Variants in C1orf74 observed in about 807,000 individuals in gnomAD.
C1orf74 encodes UPF0739 protein C1orf74.
A neutral mutation model predicts 7.3 loss-of-function variants in C1orf74; 5 were observed. The observed-to-expected ratio is 0.68, with a 90% CI of 0.36 to 1.44. The LOEUF (loss-of-function observed/expected upper bound fraction) is 1.44, where lower values mean the gene tolerates loss of function less well. Among genes scored for constraint, C1orf74 ranks in the 40% most tolerant of loss-of-function variants. The pLI is 0.04. For missense variants in C1orf74, 291 were observed against 314.3 expected, an observed-to-expected ratio of 0.93 and a Z score of 0.56; for synonymous variants, 121 against 132.5, an observed-to-expected ratio of 0.91 and a Z score of 0.59.
chr1:209,781,502 G>A lies in C1orf74; in HGVS notation c.*1323C>T, dbSNP rs139323121. On this transcript the variant is annotated 3_prime_UTR_variant, in exon 2 of 2. Coordinates refer to ENST00000294811, the MANE Select transcript of C1orf74 (RefSeq NM_152485.4). ...CCCATAAAGCCCTGGATGATGGGAC[G>A]ATTCCTTCTTTAACCAAGTTTTGCA... The A allele has an allele frequency of 1.9e-5, 28 of 1,448,444 alleles. No homozygotes were observed. In the East Asian group the frequency reaches 2.3e-4, roughly 12 times the overall value. The allele number at this position is 1,448,444 out of a possible 1,614,324, so 89.7% of individuals were successfully genotyped here.
chr1:209,780,180 G>T lies in C1orf74; in HGVS notation c.*2645C>A, dbSNP rs1002315298. 4.8e-6 allele frequency: 1 copy of T among 209,530 alleles called. No homozygotes were observed. The highest frequency in any genetic ancestry group is 9.4e-6 in the Non-Finnish European group (1 of 106,680). The allele number at this position is 209,530 out of a possible 1,614,324, so 13.0% of individuals were successfully genotyped here. A position where few individuals can be genotyped will look rare whatever the true frequency, so the allele number is the denominator to read the frequency against. On this transcript the variant is annotated 3_prime_UTR_variant, in exon 2 of 2. Transcript: ENST00000294811. The stretch of plus-strand genomic sequence containing the variant: ...AGGAAGAATGTGACATACAACCAAT[G>T]AAATTCAATTAAGAAGTATTCACTA...
chr1:209,783,979 T>G (rs372272185), intron 1 of C1orf74, among the ~76,000 whole-genome samples: 8 of 152,270 alleles, frequency 5.3e-5, no homozygotes, highest in Admixed American at 1.3e-4. Context: ...GTTCAAACCG[T>G]AGGGAATTTG....
In C1orf74 at chr1:209,783,401, G is replaced by C; in HGVS notation, c.234C>G (p.Phe78Leu). 2 of 1,614,162 alleles carry C rather than the reference G, an allele frequency of 1.2e-6. No homozygotes were observed. Among genetic ancestry groups the C allele is most frequent in the Non-Finnish European group, 8.5e-7 (1 of 1,180,022 alleles). ...SYLEELKGLG[F>L]LTFGLHILEI... ...CAAGGATGTGAAGTCCAAAAGTCAG[G>C]AAGCCAAGCCCCTTCAGCTCCTCCA... Residue 78 changes from phenylalanine (F) to leucine (L), a missense_variant, in exon 2 of 2, where the codon TTC becomes TTG. Transcript: ENST00000294811.
At position 209,783,538 on chromosome 1, in the gene C1orf74, G is replaced by A; in HGVS notation, c.97C>T (p.Gln33Ter). The part of the protein sequence containing the change: ...LGMGKRRSPP[Q>*]AICLHLAGEV... The stretch of plus-strand genomic sequence containing the variant: ...CCAGCTAAGTGAAGGCAGATGGCTT[G>A]GGGTGGACTCCGTCTCTTTCCCATG... Residue 33 changes from glutamine (Q) to a stop codon, truncating the protein, a stop_gained, in exon 2 of 2, where the codon CAA becomes TAA. Coordinates refer to ENST00000294811, the MANE Select transcript of C1orf74 (RefSeq NM_152485.4). LOFTEE classifies it low-confidence loss of function (END_TRUNC). 6.2e-7 allele frequency: 1 copy of A among 1,614,124 alleles called. No individual in the cohort carries two copies. Among genetic ancestry groups the A allele is most frequent in the Non-Finnish European group, 8.5e-7 (1 of 1,180,006 alleles).
At position 209,780,775 on chromosome 1, in the gene C1orf74, C is replaced by T. The variant is rs1434244658; in HGVS notation, c.*2050G>A. 4 of 515,786 alleles carry T rather than the reference C, an allele frequency of 7.8e-6. No individual in the cohort carries two copies. Among genetic ancestry groups the T allele is most frequent in the Non-Finnish European group, 1.2e-5 (4 of 333,744 alleles). 32.0% of individuals were successfully genotyped at this position (515,786 alleles called of 1,614,324 possible). The stretch of plus-strand genomic sequence containing the variant: ...TTTTGGGCTGACTTGTCAATCTTTT[C>T]CCTTCCTTATTTATACCAACTCCTA... On this transcript the variant is annotated 3_prime_UTR_variant, in exon 2 of 2. Transcript: ENST00000294811.
rs1558033949 is a variant in C1orf74 at position 209,781,324 on chromosome 1, CTT to C, written c.*1499_*1500del. On this transcript the variant is annotated 3_prime_UTR_variant, in exon 2 of 2. Coordinates refer to ENST00000294811, the MANE Select transcript of C1orf74 (RefSeq NM_152485.4). Reference sequence around the variant, plus strand: ...TCCTAGACAGAAGTGACAGTGATGACTTTGGTGATGTTCTCCCCAGTGCAGAG... The same window carrying C: ...TCCTAGACAGAAGTGACAGTGATGACTGGTGATGTTCTCCCCAGTGCAGAG... 2 of 1,551,038 alleles carry C rather than the reference CTT, an allele frequency of 1.3e-6. No individual in the cohort carries two copies. The highest frequency in any genetic ancestry group is 2.7e-5 in the African/African-American group (2 of 73,590).
At position 209,780,841 on chromosome 1, in the gene C1orf74, CA is replaced by C. The variant is rs2077762141; in HGVS notation, c.*1983del. 3.4e-6 allele frequency: 1 copy of C among 292,036 alleles called. No individual in the cohort carries two copies. The highest frequency in any genetic ancestry group is 2.2e-5 in the African/African-American group (1 of 45,710). 18.1% of individuals were successfully genotyped at this position (292,036 alleles called of 1,614,324 possible). A position where few individuals can be genotyped will look rare whatever the true frequency, so the allele number is the denominator to read the frequency against. On this transcript the variant is annotated 3_prime_UTR_variant, in exon 2 of 2. Coordinates refer to ENST00000294811, the MANE Select transcript of C1orf74 (RefSeq NM_152485.4). ...AATGATTACCTTTTAGAAAGTCGAC[CA>C]AAACTCAAACACATTTAATAAAAAT... is the stretch of plus-strand genomic sequence containing the variant.
rs1182405871 is a variant in C1orf74, at chr1:209,781,725, TA to T, written c.*1099del. 1.2e-5 allele frequency: 6 copies of T among 485,238 alleles called. No homozygotes were observed. The highest frequency in any genetic ancestry group is 2.2e-5 in the Non-Finnish European group (6 of 269,610). The allele number at this position is 485,238 out of a possible 1,614,324, so 30.1% of individuals were successfully genotyped here. A position where few individuals can be genotyped will look rare whatever the true frequency, so the allele number is the denominator to read the frequency against. On this transcript the variant is annotated 3_prime_UTR_variant, in exon 2 of 2. Coordinates refer to ENST00000294811, the MANE Select transcript of C1orf74 (RefSeq NM_152485.4). ...GAAAGGGTGTTCTTTTAGCCGATGA[TA>T]AGCATGGTGGCAAGAACAGAAGGAC...
At position 209,784,366 on chromosome 1, in the gene C1orf74, T is replaced by TAGAC. The variant is rs1178909581; in HGVS notation, c.-76+11_-76+12insGTCT. ...TGATTTGCTAAATGAGGCATAAGTCTGTCTCACATACGTTCTTTTTCCACG... is the reference window on the plus strand; with the variant it reads ...TGATTTGCTAAATGAGGCATAAGTCTAGACGTCTCACATACGTTCTTTTTCCACG... On this transcript the variant is annotated intron_variant, in intron 1 of 1. Coordinates refer to ENST00000294811, the MANE Select transcript of C1orf74 (RefSeq NM_152485.4). 1 of 152,268 alleles carries TAGAC rather than the reference T, an allele frequency of 6.6e-6. No individual in the cohort carries two copies. Among genetic ancestry groups the TAGAC allele is most frequent in the Non-Finnish European group, 1.5e-5 (1 of 68,060 alleles). The allele number at this position is 152,268 out of a possible 1,614,324, so 9.4% of individuals were successfully genotyped here. A position where few individuals can be genotyped will look rare whatever the true frequency, so the allele number is the denominator to read the frequency against.
rs370094463 is a variant in C1orf74, at chr1:209,783,464, A to G, written c.171T>C (p.Asp57=). The change falls in exon 2 of 2, where the codon GAT becomes GAC. Residue 57 remains aspartate (D), a synonymous_variant. Transcript: ENST00000294811. ...GCTCTGATGCCCCTGCACAGTTGCA[A>G]TCATAGAGCACAGCTGGCTTCAGTC... The part of the protein sequence containing the change: ...ARGLKPAVLY[D]CNCAGASELQ... 6.2e-6 allele frequency: 10 copies of G among 1,613,934 alleles called. No individual in the cohort carries two copies. The highest frequency in any genetic ancestry group is 1.3e-5 in the African/African-American group (1 of 74,874).
rs2077803395 is a variant in C1orf74 at position 209,782,677 on chromosome 1, C to T, written c.*148G>A. The T allele has an allele frequency of 6.3e-6, 5 of 799,964 alleles. No homozygotes were observed. The South Asian group carries it at 8.4e-5, about 13-fold the overall frequency. 49.6% of individuals were successfully genotyped at this position (799,964 alleles called of 1,614,324 possible). ...AGCACCACCATTACCTATTTACATG[C>T]CCTTTGCATTTGTGGCCAACTGATC... On this transcript the variant is annotated 3_prime_UTR_variant, in exon 2 of 2. Coordinates refer to ENST00000294811, the MANE Select transcript of C1orf74 (RefSeq NM_152485.4).
At position 209,780,320 on chromosome 1, in the gene C1orf74, A is replaced by T; in HGVS notation, c.*2505T>A. ...GCTTAGCAGGGGCCTACTGGAAGTT[A>T]ACCTTTATGTCAGAGAATGCCATCA... On this transcript the variant is annotated 3_prime_UTR_variant, in exon 2 of 2. Coordinates refer to ENST00000294811, the MANE Select transcript of C1orf74 (RefSeq NM_152485.4). 1.6e-6 allele frequency: 1 copy of T among 634,166 alleles called. No individual in the cohort carries two copies. The highest frequency in any genetic ancestry group is 2.4e-6 in the Non-Finnish European group (1 of 414,482). 39.3% of individuals were successfully genotyped at this position (634,166 alleles called of 1,614,324 possible).
rs755236492 is a variant in C1orf74 at position 209,783,164 on chromosome 1, G to A, written c.471C>T (p.Val157=). The A allele has an allele frequency of 1.9e-6, 3 of 1,614,164 alleles. No homozygotes were observed. The highest frequency in any genetic ancestry group is 1.7e-6 in the Non-Finnish European group (2 of 1,180,024). Residue 157 remains valine, a synonymous_variant, in exon 2 of 2, where the codon GTC becomes GTT. Transcript: ENST00000294811. ...CTGAGGAATGGAGCCTGCTGTAGGA[G>A]ACTGCTAGAGATAAGTCCCTCTGCA... is the stretch of plus-strand genomic sequence containing the variant. The part of the protein sequence containing the change: ...QGLQRDLSLA[V]SYSRLHSSDW...
chr1:209,779,792 T>C lies in C1orf74; in HGVS notation c.*3033A>G, dbSNP rs1201198544. 1 of 449,046 alleles carries C rather than the reference T, an allele frequency of 2.2e-6. No homozygotes were observed. The highest frequency in any genetic ancestry group is 4.0e-5 in the Admixed American group (1 of 24,914). 27.8% of individuals were successfully genotyped at this position (449,046 alleles called of 1,614,324 possible). ...GTCCATGTTTCCTGAGAATTCACTG[T>C]GTATACAGAGGGGCAATAGCTCCTC... On this transcript the variant is annotated 3_prime_UTR_variant, in exon 2 of 2. Coordinates refer to ENST00000294811, the MANE Select transcript of C1orf74 (RefSeq NM_152485.4).
chr1:209,780,792 C>A lies in C1orf74; in HGVS notation c.*2033G>T. The A allele has an allele frequency of 2.4e-6, 1 of 416,602 alleles. No individual in the cohort carries two copies. The highest frequency in any genetic ancestry group is 4.0e-6 in the Non-Finnish European group (1 of 248,676). 25.8% of individuals were successfully genotyped at this position (416,602 alleles called of 1,614,324 possible). A position where few individuals can be genotyped will look rare whatever the true frequency, so the allele number is the denominator to read the frequency against. ...AATCTTTTCCCTTCCTTATTTATACCAACTCCTATTCAAGGTTTTATTAAA... is the reference window on the plus strand; with the variant it reads ...AATCTTTTCCCTTCCTTATTTATACAAACTCCTATTCAAGGTTTTATTAAA... On this transcript the variant is annotated 3_prime_UTR_variant, in exon 2 of 2. Coordinates refer to ENST00000294811, the MANE Select transcript of C1orf74 (RefSeq NM_152485.4).
At chr1:209,783,896 T>C (rs1432641424) in intron 1 of C1orf74, among the ~76,000 whole-genome samples, 187 bp from the exon 2 acceptor site, 1 of 152,214 alleles carries the variant, frequency 6.6e-6, no homozygotes, top group Non-Finnish European at 1.5e-5. Flanking sequence ...TGTGTTTTTC[T>C]AGCCTTATAG....
In C1orf74 at chr1:209,784,489, A is replaced by G. The variant is rs1463651334; in HGVS notation, c.-187T>C. Reference sequence around the variant, plus strand: ...CACGCCCAGCCGCAAGTAACACTGGAAAACCCGCCTGCGCTGGGAAGACCC... The same window carrying G: ...CACGCCCAGCCGCAAGTAACACTGGGAAACCCGCCTGCGCTGGGAAGACCC... On this transcript the variant is annotated 5_prime_UTR_variant, in exon 1 of 2. Transcript: ENST00000294811. 1 of 152,258 alleles carries G rather than the reference A, an allele frequency of 6.6e-6. No homozygotes were observed. The highest frequency in any genetic ancestry group is 2.4e-5 in the African/African-American group (1 of 41,466). The allele number at this position is 152,258 out of a possible 1,614,324, so 9.4% of individuals were successfully genotyped here.
chr1:209,780,237 ACAAAGAAAAGATCC>A lies in C1orf74; in HGVS notation c.*2574_*2587del. The A allele has an allele frequency of 3.1e-6, 1 of 326,678 alleles. No individual in the cohort carries two copies. Among genetic ancestry groups the A allele is most frequent in the Non-Finnish European group, 5.5e-6 (1 of 180,818 alleles). 20.2% of individuals were successfully genotyped at this position (326,678 alleles called of 1,614,324 possible). On this transcript the variant is annotated 3_prime_UTR_variant, in exon 2 of 2. Transcript: ENST00000294811. ...TCTAGCACTAGATAAGACTGGGGAT[ACAAAGAAAAGATCC>A]CAATCTTGCCCTCAAGGAGCTCAGA...
At position 209,784,510 on chromosome 1, in the gene C1orf74, G is replaced by GACCCTCGC. The variant is rs2077820165; in HGVS notation, c.-216_-209dup. ...CTGGAAAACCCGCCTGCGCTGGGAA[G>GACCCTCGC]ACCCTCGCAGCCCGCTCTGCTCCAG... On this transcript the variant is annotated 5_prime_UTR_variant, in exon 1 of 2. The change abolishes the stop of an existing upstream ORF in the 5' untranslated region. Coordinates refer to ENST00000294811, the MANE Select transcript of C1orf74 (RefSeq NM_152485.4). 6.6e-6 allele frequency: 1 copy of GACCCTCGC among 152,268 alleles called. No individual in the cohort carries two copies. The highest frequency in any genetic ancestry group is 2.4e-5 in the African/African-American group (1 of 41,476). The allele number at this position is 152,268 out of a possible 1,614,324, so 9.4% of individuals were successfully genotyped here.
Sources: allele counts gnomAD v4.1 joint callset (sites outside exome capture counted in the v4.1 genomes callset), GRCh38; gene constraint gnomAD v4.1.1; transcripts MANE v1.5; gene names NCBI Gene and HGNC (gene_info 2026-07-23, HGNC 2026-07-21).